The following OSBPL6 variants were observed in gnomAD, a reference collection of about 807,000 sequenced individuals.
OSBPL6 encodes oxysterol binding protein like 6.
OSBPL6 carries 49 observed loss-of-function variants against 125.8 expected under a neutral mutation model. That is an observed-to-expected ratio of 0.39 (90% CI 0.31 to 0.49). The LOEUF (loss-of-function observed/expected upper bound fraction) is 0.49, where lower values mean the gene tolerates loss of function less well. Among genes scored for constraint, OSBPL6 ranks in the 20% least tolerant of loss-of-function variants. OSBPL6 has a pLI of 0.88. For missense variants in OSBPL6, 986 were observed against 1,135.4 expected (o/e 0.87, Z 1.89); for synonymous variants, 394 against 391.8 (o/e 1.01, Z -0.07).
rs180837305 is a variant in OSBPL6 at position 178,386,685 on chromosome 2, A to G, written c.2078-376A>G. Among the ~76,000 whole-genome samples, 11 of 151,828 alleles carry G rather than the reference A, an allele frequency of 7.2e-5. No homozygotes were observed. In the East Asian group the frequency reaches 2.0e-3, roughly 27 times the overall value. On this transcript the variant is annotated intron_variant, in intron 19 of 24. Transcript: ENST00000190611. Reference sequence around the variant, plus strand: ...CTGTCTGGACATTAAAGCACAGTAGAGTCTATGTTTGTATGTAAAATGTGA... The same window carrying G: ...CTGTCTGGACATTAAAGCACAGTAGGGTCTATGTTTGTATGTAAAATGTGA...
intron 12 of OSBPL6, among the ~76,000 whole-genome samples, chr2:178,349,786 G>A (rs879418332): frequency 5.3e-5 from 8 of 152,054 alleles, no homozygotes; most frequent in Admixed American, 2.0e-4. Flanking sequence ...TTTGTGGGTC[G>A]GGAATTCAGG....
Position 178,385,651 on chromosome 2 carries a change from G to C in OSBPL6, c.2077+130G>C. ...TCAGCAAATGTTAGTAATTGGTGCA[G>C]AGCTCATTTTGAGAAATCAAAATTC... On this transcript the variant is annotated intron_variant, in intron 19 of 24. Coordinates refer to ENST00000190611, the MANE Select transcript of OSBPL6 (RefSeq NM_032523.4). The C allele has an allele frequency of 5.8e-6, 4 of 692,674 alleles. No individual in the cohort carries two copies. The South Asian group carries it at 7.5e-5, about 13-fold the overall frequency. The allele number at this position is 692,674 out of a possible 1,614,324, so 42.9% of individuals were successfully genotyped here.
chr2:178,259,557 T>C (rs1272457543), intron 1 of OSBPL6, among the ~76,000 whole-genome samples: 6 of 152,210 alleles, frequency 3.9e-5, no homozygotes, highest in South Asian at 2.1e-4. Context: ...GAATTTTCTT[T>C]GAATTCTTTA....
chr2:178,381,633 G>A (rs1035768237), intron 15 of OSBPL6, among the ~76,000 whole-genome samples: 11 of 151,988 alleles, frequency 7.2e-5, no homozygotes, highest in African/African-American at 9.7e-5. Flanking sequence ...GATTACAGGC[G>A]TGAGCCACCA....
intron 1 of OSBPL6, among the ~76,000 whole-genome samples, chr2:178,238,382 C>T (rs1341536710): frequency 6.6e-6 from 1 of 152,158 alleles, no homozygotes; most frequent in African/African-American, 2.4e-5. Flanking sequence ...CATGGTATCG[C>T]AGTGCTTGTG....
intron 1 of OSBPL6, among the ~76,000 whole-genome samples, chr2:178,246,179 T>C (rs557202429): frequency 6.6e-6 from 1 of 152,322 alleles, no homozygotes; most frequent in East Asian, 1.9e-4. Context: ...CTTTCTCTTT[T>C]TTCACTGCGA....
intron 1 of OSBPL6, among the ~76,000 whole-genome samples, chr2:178,219,268 A>G (rs1298491728): frequency 6.6e-6 from 1 of 152,254 alleles, no homozygotes; most frequent in Non-Finnish European, 1.5e-5. Flanking sequence ...TAAACCACAC[A>G]ACAACATTTT....
At chr2:178,369,603 C>A (rs1693188343) in intron 13 of OSBPL6, among the ~76,000 whole-genome samples, 1 of 152,118 alleles carries the variant, frequency 6.6e-6, no homozygotes, top group African/African-American at 2.4e-5. Context: ...TTTTTCACAT[C>A]ACATCTAAGA....
intron 20 of OSBPL6, among the ~76,000 whole-genome samples, chr2:178,388,630 C>G (rs1179006555): frequency 6.6e-6 from 1 of 152,218 alleles, no homozygotes; most frequent in East Asian, 1.9e-4. Context: ...TCTAAGGTGT[C>G]TTCCTTGACA....
At chr2:178,300,193 T>A (rs1286208320) in intron 2 of OSBPL6, among the ~76,000 whole-genome samples, 3 of 152,202 alleles carry the variant, frequency 2.0e-5, no homozygotes, top group Non-Finnish European at 4.4e-5. Flanking sequence ...TTTCTTACAA[T>A]TTGTCCTCAC....
At chr2:178,324,416 G>C (rs894049051) in intron 4 of OSBPL6, 147 bp downstream of exon 4, 19 of 535,016 alleles carry the variant, frequency 3.6e-5, no homozygotes, top group African/African-American at 3.3e-4. Flanking sequence ...TGCTTCCAAG[G>C]AGTAGAGTTT....
intron 3 of OSBPL6, among the ~76,000 whole-genome samples, chr2:178,313,369 G>T (rs1274349255): frequency 2.0e-5 from 3 of 152,140 alleles, no homozygotes; most frequent in South Asian, 2.1e-4. Flanking sequence ...AGACACTATG[G>T]CTCTGAGAAT....
At chr2:178,311,167 T>C (rs1312137224) in intron 3 of OSBPL6, among the ~76,000 whole-genome samples, 1 of 152,200 alleles carries the variant, frequency 6.6e-6, no homozygotes, top group Admixed American at 6.5e-5. Context: ...GCGCATACCA[T>C]GTTCCCTTTA....
rs182086877 is a variant in OSBPL6, at chr2:178,240,124, T to C, written c.-350-44803T>C. Among the ~76,000 whole-genome samples, 601 of 152,172 alleles carry C rather than the reference T, an allele frequency of 3.9e-3. 17 individuals carry two copies. The highest frequency in any genetic ancestry group is 0.038 in the Admixed American group (583 of 15,268). On this transcript the variant is annotated intron_variant, in intron 1 of 24. Coordinates refer to ENST00000190611, the MANE Select transcript of OSBPL6 (RefSeq NM_032523.4). ...CAAGTATAATGGTGATTGCCAGAAA[T>C]TGAGGAGAGGCGAGAATGGGGAGTT...
Position 178,306,139 on chromosome 2 carries a change from G to A in OSBPL6, c.-46G>A. On this transcript the variant is annotated 5_prime_UTR_variant, in exon 3 of 25. Transcript: ENST00000190611. ...TTCTTTGTTTGTGGATTTGAGAGAAGATTGGGATGGTCTTAAGTGCATAAA... is the reference window on the plus strand; with the variant it reads ...TTCTTTGTTTGTGGATTTGAGAGAAAATTGGGATGGTCTTAAGTGCATAAA... 1 of 1,146,596 alleles carries A rather than the reference G, an allele frequency of 8.7e-7. No individual in the cohort carries two copies. Among genetic ancestry groups the A allele is most frequent in the Non-Finnish European group, 1.3e-6 (1 of 761,274 alleles). The allele number at this position is 1,146,596 out of a possible 1,614,324, so 71.0% of individuals were successfully genotyped here.
At chr2:178,333,825 TAGC>T (rs1313897420) in intron 8 of OSBPL6, among the ~76,000 whole-genome samples, 1 of 152,166 alleles carries the variant, frequency 6.6e-6, no homozygotes, top group Non-Finnish European at 1.5e-5. Flanking sequence ...ATAATATAAA[TAGC>T]AGCCTATTTA....
At position 178,210,415 on chromosome 2, in the gene OSBPL6, T is replaced by G. The variant is rs960441660; in HGVS notation, c.-351+15741T>G. On this transcript the variant is annotated intron_variant, in intron 1 of 24. Transcript: ENST00000190611. ...ACCTTAGTATTTTACTGTTAGATGA[T>G]TCAACCTAAGGATATTATTTGATGG... Among the ~76,000 whole-genome samples the G allele has an allele frequency of 1.2e-4, 18 of 151,748 alleles. 1 individual carries two copies. Among genetic ancestry groups the G allele is most frequent in the African/African-American group, 3.9e-4 (16 of 41,354 alleles).
rs764761057 is a variant in OSBPL6 at position 178,336,296 on chromosome 2, C to T, written c.658-5C>T. 1.2e-5 allele frequency: 19 copies of T among 1,612,872 alleles called. No individual in the cohort carries two copies. The East Asian group carries it at 1.3e-4, about 11-fold the overall frequency. ...AACCATACAATTCATCTTTGTTTGC[C>T]GTAGATGCAACCAAACAGCTTTCCG... is the stretch of plus-strand genomic sequence containing the variant. On this transcript the variant is annotated splice_polypyrimidine_tract_variant and splice_region_variant and intron_variant, in intron 8 of 24. Coordinates refer to ENST00000190611, the MANE Select transcript of OSBPL6 (RefSeq NM_032523.4).
intron 1 of OSBPL6, among the ~76,000 whole-genome samples, chr2:178,269,633 T>C (rs1343659685): frequency 1.3e-5 from 2 of 152,150 alleles, no homozygotes; most frequent in Non-Finnish European, 2.9e-5. Flanking sequence ...TTTTTCCCAG[T>C]GTTAGCATTA....
Sources: gnomAD v4.1 joint callset for allele counts (sites outside exome capture counted in the v4.1 genomes callset) on GRCh38, gnomAD v4.1.1 for gene constraint, MANE v1.5 for transcripts, NCBI Gene and HGNC (gene_info 2026-07-23, HGNC 2026-07-21) for gene names.